The following PCDHA2 variants were observed in gnomAD, a reference collection of about 807,000 sequenced individuals.
PCDHA2 encodes the protein protocadherin alpha 2, also known as protocadherin alpha-2.
PCDHA2 carries 58 observed loss-of-function variants against 66.0 expected under a neutral mutation model. The ratio of observed to expected loss-of-function variants is 0.88; its 90% CI spans 0.71 to 1.09. The LOEUF is 1.09. Among genes scored for constraint, PCDHA2 ranks in the 50% least tolerant of loss-of-function variants. The probability of loss-of-function intolerance (pLI) is 0.00; values close to 1 mark genes in which losing one functional copy is unlikely to be tolerated. For synonymous variants in PCDHA2, 634 were observed against 554.0 expected (o/e 1.14, Z -2.03); for missense variants, 1,267 against 1,242.3 (o/e 1.02, Z -0.30).
chr5:140,987,898 A>T (rs1394668777), intron 3 of PCDHA2, among the ~76,000 whole-genome samples: 1 of 152,092 alleles, frequency 6.6e-6, no homozygotes, highest in Non-Finnish European at 1.5e-5. Context: ...CCCTAGTTTT[A>T]TATGGGGATT....
At chr5:140,816,601 C>T (rs2126673924) in intron 1 of PCDHA2, 1 of 151,696 alleles carries the variant, frequency 6.6e-6, no homozygotes, top group South Asian at 2.1e-4. Flanking sequence ...GTGTTGATAT[C>T]TATACATTTC....
chr5:140,836,667 GA>G (rs2150267239), intron 1 of PCDHA2: 7 of 1,613,396 alleles, frequency 4.3e-6, no homozygotes, highest in Non-Finnish European at 5.9e-6. Context: ...GTGCTCTGGG[GA>G]GGGCCCACCC....
intron 1 of PCDHA2, among the ~76,000 whole-genome samples, chr5:140,893,847 C>T (rs962788536): frequency 6.6e-6 from 1 of 152,134 alleles, no homozygotes; most frequent in African/African-American, 2.4e-5. Flanking sequence ...TGATGCCCTA[C>T]CTCTTGTATA....
Position 140,843,144 on chromosome 5 carries a change from C to T in PCDHA2, c.2388+45792C>T, listed in dbSNP as rs1554139783. ...GACTCGGGCTACAACGCGTGGCTTT[C>T]GTATGAGCTGCAGCCAGCTGCAAGC... On this transcript the variant is annotated intron_variant, in intron 1 of 3. Transcript: ENST00000526136. The T allele has an allele frequency of 2.4e-5, 39 of 1,596,036 alleles. 4 individuals are homozygous for T. Among genetic ancestry groups the T allele is most frequent in the Non-Finnish European group, 3.3e-5 (39 of 1,165,590 alleles).
intron 1 of PCDHA2, among the ~76,000 whole-genome samples, chr5:140,878,711 G>A (rs944193090): frequency 6.6e-5 from 10 of 152,156 alleles, no homozygotes; most frequent in East Asian, 1.9e-4. Context: ...GGTAGTAAAG[G>A]CATTAAAATT....
chr5:140,802,603 C>T (rs1762964619), intron 1 of PCDHA2: 6 of 1,613,916 alleles, frequency 3.7e-6, no homozygotes, highest in Non-Finnish European at 5.1e-6. Context: ...GAGAACAACC[C>T]GCCGGGCTGC....
At chr5:140,843,128 T>G (rs2150353491) in intron 1 of PCDHA2, 1 of 1,595,926 alleles carries the variant, frequency 6.3e-7, no homozygotes, top group Admixed American at 1.7e-5. Flanking sequence ...CGACTCGGGC[T>G]ACAACGCGTG....
rs575141569 is a variant in PCDHA2, at chr5:140,917,876, CT to C, written c.2389-61063del. Among the ~76,000 whole-genome samples, 1,293 of 147,130 alleles carry C rather than the reference CT, an allele frequency of 8.8e-3. 5 individuals carry two copies. Among genetic ancestry groups the C allele is most frequent in the African/African-American group, 0.02 (816 of 40,244 alleles). ...TAGGATTGCTTTGACTATTTGGGCT[CT>C]TTTTTTTTTCCATATGAATGTTAGG... On this transcript the variant is annotated intron_variant, in intron 1 of 3. Coordinates refer to ENST00000526136, the MANE Select transcript of PCDHA2 (RefSeq NM_018905.3).
chr5:140,962,143 G>C (rs964011627), intron 1 of PCDHA2, among the ~76,000 whole-genome samples: 1 of 151,968 alleles, frequency 6.6e-6, no homozygotes, highest in Non-Finnish European at 1.5e-5. Flanking sequence ...CCAAAGTGCT[G>C]GGATTACAGG....
intron 1 of PCDHA2, among the ~76,000 whole-genome samples, chr5:140,922,915 A>G (rs1184691604): frequency 6.6e-6 from 1 of 152,224 alleles, no homozygotes; most frequent in Non-Finnish European, 1.5e-5. Context: ...ATACAAATAA[A>G]CTTCAGACTT....
intron 1 of PCDHA2, among the ~76,000 whole-genome samples, chr5:140,886,732 A>C (rs1457707116): frequency 3.9e-5 from 6 of 151,952 alleles, no homozygotes; most frequent in Non-Finnish European, 8.8e-5. Flanking sequence ...AGGCTGAAGC[A>C]AGAGAATTGC....
intron 3 of PCDHA2, among the ~76,000 whole-genome samples, chr5:140,999,199 A>G (rs1354176825): frequency 2.0e-5 from 3 of 152,228 alleles, no homozygotes; most frequent in Non-Finnish European, 4.4e-5. Context: ...CTTGGAAAAG[A>G]GAATTTCTGG....
rs782098088 is a variant in PCDHA2, at chr5:140,856,583, CT to C, written c.2388+59233del. On this transcript the variant is annotated intron_variant, in intron 1 of 3. Transcript: ENST00000526136. Reference sequence around the variant, plus strand: ...ACTCAGTCCAAATGAGTATTTTGTTCTTGATATTATAAACAAAAAAGACAAA... The same window carrying C: ...ACTCAGTCCAAATGAGTATTTTGTTCTGATATTATAAACAAAAAAGACAAA... The C allele has an allele frequency of 1.3e-6, 2 of 1,597,002 alleles. 1 individual carries two copies. Among genetic ancestry groups the C allele is most frequent in the African/African-American group, 2.7e-5 (2 of 74,388 alleles).
intron 1 of PCDHA2, chr5:140,801,422 GGA>G: frequency 6.2e-7 from 1 of 1,613,854 alleles, no homozygotes; most frequent in Non-Finnish European, 8.5e-7. Flanking sequence ...GGGACCTTCT[GGA>G]GGTAAATCTG....
At chr5:140,856,434 C>G (rs551569829) in intron 1 of PCDHA2, 1 of 1,598,320 alleles carries the variant, frequency 6.3e-7, no homozygotes, top group South Asian at 1.1e-5. Context: ...AACGACAACC[C>G]GCCCAGGTTC....
At chr5:140,927,527 C>G in intron 1 of PCDHA2, 1 of 1,614,084 alleles carries the variant, frequency 6.2e-7, no homozygotes, top group African/African-American at 1.3e-5. Context: ...GGGCTACCTG[C>G]CCGCTCAGGA....
At chr5:140,893,434 C>G (rs1554185617) in intron 1 of PCDHA2, among the ~76,000 whole-genome samples, 1 of 152,042 alleles carries the variant, frequency 6.6e-6, no homozygotes, top group African/African-American at 2.4e-5. Context: ...AGGAAGATCG[C>G]TTGAAGCCAG....
chr5:140,906,175 G>T (rs1177661963), intron 1 of PCDHA2, among the ~76,000 whole-genome samples: 18 of 152,058 alleles, frequency 1.2e-4, no homozygotes, highest in African/African-American at 4.1e-4. Flanking sequence ...ACAATACTTT[G>T]CATCCTTCAA....
intron 1 of PCDHA2, among the ~76,000 whole-genome samples, chr5:140,821,162 A>T (rs1683784495): frequency 6.6e-6 from 1 of 152,218 alleles, no homozygotes; most frequent in Non-Finnish European, 1.5e-5. Context: ...GAGATAGCAT[A>T]CAAACATTCC....
Sources: allele counts gnomAD v4.1 joint callset (sites outside exome capture counted in the v4.1 genomes callset), GRCh38; gene constraint gnomAD v4.1.1; transcripts MANE v1.5; gene names NCBI Gene and HGNC (gene_info 2026-07-23, HGNC 2026-07-21).